The following FER variants were observed in gnomAD, a reference collection of about 807,000 sequenced individuals.
The protein encoded by FER is tyrosine-protein kinase Fer.
Under a neutral mutation model 111.0 loss-of-function variants are expected in FER, and 63 were observed. The ratio of observed to expected loss-of-function variants is 0.57; its 90% CI spans 0.46 to 0.70. FER has a LOEUF of 0.70. Ranked by LOEUF, FER falls within the 30% of genes least tolerant of loss-of-function variation. The pLI, the probability that FER is intolerant of heterozygous loss-of-function variation, is 0.00. For synonymous variants in FER, 327 were observed against 313.9 expected, an observed-to-expected ratio of 1.04 and a Z score of -0.44; for missense variants, 914 against 954.0, an observed-to-expected ratio of 0.96 and a Z score of 0.55.
chr5:109,051,446 C>A, intron 16 of FER: 6 of 1,613,066 alleles, frequency 3.7e-6, no homozygotes, highest in Non-Finnish European at 5.1e-6. Context: ...TGGTTATCAT[C>A]GGGGAAATCA....
intron 2 of FER, among the ~76,000 whole-genome samples, chr5:108,775,185 A>G (rs183487051): frequency 1.1e-4 from 17 of 152,276 alleles, no homozygotes; most frequent in Admixed American, 9.8e-4. Context: ...CAGGTTTGTC[A>G]AGGATCAGTT....
intron 5 of FER, among the ~76,000 whole-genome samples, chr5:108,850,686 A>G (rs2150185492): frequency 6.6e-6 from 1 of 152,260 alleles, no homozygotes; most frequent in East Asian, 1.9e-4. Flanking sequence ...TGCTGCAAAG[A>G]ATATCTGTGT....
At chr5:108,958,470 A>G (rs1031059782) in intron 12 of FER, among the ~76,000 whole-genome samples, 3 of 151,810 alleles carry the variant, frequency 2.0e-5, no homozygotes, top group Non-Finnish European at 3.0e-5. Flanking sequence ...TATTGCTATC[A>G]ATTTATCCAT....
At chr5:109,170,336 AATCT>A in intron 17 of FER, among the ~76,000 whole-genome samples, 1 of 152,310 alleles carries the variant, frequency 6.6e-6, no homozygotes, top group South Asian at 2.1e-4. Flanking sequence ...AAATGGCAGA[AATCT>A]ATCTACTCAG....
chr5:108,998,909 T>C (rs1458421399), intron 13 of FER, among the ~76,000 whole-genome samples: 1 of 152,180 alleles, frequency 6.6e-6, no homozygotes, highest in African/African-American at 2.4e-5. Context: ...TTATATATGT[T>C]GTATTTTAGA....
intron 16 of FER, among the ~76,000 whole-genome samples, chr5:109,060,283 C>A (rs1774219604): frequency 6.6e-6 from 1 of 152,052 alleles, no homozygotes; most frequent in African/African-American, 2.4e-5. Flanking sequence ...ATAAACTAAG[C>A]TTCAATATAC....
chr5:108,764,463 T>C (rs968775531), intron 1 of FER, among the ~76,000 whole-genome samples: 3 of 152,186 alleles, frequency 2.0e-5, no homozygotes, highest in South Asian at 2.1e-4. Context: ...AGTGACGCCA[T>C]CTTGGCTCAC....
At chr5:109,084,633 A>G (rs1777357294) in intron 16 of FER, among the ~76,000 whole-genome samples, 1 of 151,690 alleles carries the variant, frequency 6.6e-6, no homozygotes, top group Non-Finnish European at 1.5e-5. Flanking sequence ...TCTTCCCCCT[A>G]CCCCTCTTTT....
chr5:108,795,282 G>A (rs1484131503), intron 2 of FER, among the ~76,000 whole-genome samples: 1 of 152,116 alleles, frequency 6.6e-6, no homozygotes, highest in Admixed American at 6.5e-5. Flanking sequence ...CTGTGATTGT[G>A]CCACTGTACT....
chr5:108,962,378 AG>A (rs1759257381), intron 13 of FER, among the ~76,000 whole-genome samples: 1 of 152,234 alleles, frequency 6.6e-6, no homozygotes, highest in African/African-American at 2.4e-5. Context: ...TCACTTCATC[AG>A]GGAGGCCTTG....
rs1758463079 is a variant in FER at position 109,183,205 on chromosome 5, C to CAACTA, written c.2203+2304_2203+2305insAACTA. ...CTAGCAACCCAGAGAAGTTTAGTTCCCACAGACTACAGTTACTGAAGATTG... is the reference window on the plus strand; with the variant it reads ...CTAGCAACCCAGAGAAGTTTAGTTCCAACTACACAGACTACAGTTACTGAAGATTG... On this transcript the variant is annotated intron_variant, in intron 18 of 19. Coordinates refer to ENST00000281092, the MANE Select transcript of FER (RefSeq NM_005246.4). Among the ~76,000 whole-genome samples the CAACTA allele has an allele frequency of 2.6e-5, 4 of 151,624 alleles. No individual in the cohort carries two copies. In the South Asian group the frequency reaches 8.4e-4, roughly 32 times the overall value.
chr5:108,913,818 A>G (rs1194978913), intron 10 of FER, among the ~76,000 whole-genome samples: 2 of 152,232 alleles, frequency 1.3e-5, no homozygotes, highest in Non-Finnish European at 2.9e-5. Flanking sequence ...ACTCCGCAGT[A>G]ATGAAAATGA....
intron 15 of FER, among the ~76,000 whole-genome samples, chr5:109,046,510 G>C (rs974718928): frequency 6.6e-6 from 1 of 152,120 alleles, no homozygotes; most frequent in Non-Finnish European, 1.5e-5. Flanking sequence ...TAATCATTCA[G>C]AGTAGATAAT....
At chr5:108,957,998 A>G (rs1207066699) in intron 12 of FER, among the ~76,000 whole-genome samples, 5 of 151,662 alleles carry the variant, frequency 3.3e-5, no homozygotes, top group East Asian at 1.9e-4. Flanking sequence ...CCTACTATGT[A>G]CAAAAGTTCT....
Position 109,186,304 on chromosome 5 carries a change from A to C in FER, c.2308A>C (p.Arg770=). 1 of 1,614,132 alleles carries C rather than the reference A, an allele frequency of 6.2e-7. No homozygotes were observed. Residue 770 remains arginine (R), a synonymous_variant, in exon 19 of 20, where the codon AGA becomes CGA. Coordinates refer to ENST00000281092, the MANE Select transcript of FER (RefSeq NM_005246.4). The part of the protein sequence containing the change: ...PYPGMTNQQA[R]EQVERGYRMS... Reference sequence around the variant, plus strand: ...CCCTGGAATGACAAATCAGCAAGCAAGAGAGCAAGTAGAAAGAGGTGAGCC... The same window carrying C: ...CCCTGGAATGACAAATCAGCAAGCACGAGAGCAAGTAGAAAGAGGTGAGCC...
chr5:108,785,829 GT>G (rs550905263), intron 2 of FER, among the ~76,000 whole-genome samples: 86 of 152,254 alleles, frequency 5.6e-4, no homozygotes, highest in Admixed American at 4.6e-3. Context: ...CTTCACTTGG[GT>G]GAGGTAGGCG....
intron 10 of FER, among the ~76,000 whole-genome samples, chr5:108,921,070 T>A (rs887810877): frequency 6.6e-6 from 1 of 152,132 alleles, no homozygotes. Context: ...TTTGATAATT[T>A]CAGGTCAAAT....
intron 17 of FER, among the ~76,000 whole-genome samples, chr5:109,159,639 A>G (rs575407790): frequency 6.6e-6 from 1 of 152,312 alleles, no homozygotes; most frequent in Admixed American, 6.5e-5. Flanking sequence ...GACTTCTTTA[A>G]ACACTGTCAG....
At position 108,835,708 on chromosome 5, in the gene FER, G is replaced by A. The variant is rs35150210; in HGVS notation, c.382G>A (p.Val128Ile). ...TTTATGCATTTTGTTTCTTTGACAG[G>A]TTACCAAAACAGAATTGGAGAAGTT... ...HQQIEAEMIK[V>I]TKTELEKLKC... is the part of the protein sequence containing the mutation. Residue 128 changes from valine (V) to isoleucine (I), a missense_variant and splice_region_variant, in exon 5 of 20, where the codon GTT (valine) becomes ATT (isoleucine). By Grantham distance (29) the Val-to-Ile change is conservative. This residue lies in a region of FER where 774 missense variants were observed against 782.6 expected (regional missense o/e 0.99). Transcript: ENST00000281092. 1 of 1,549,864 alleles carries A rather than the reference G, an allele frequency of 6.5e-7. No homozygotes were observed. Among genetic ancestry groups the A allele is most frequent in the South Asian group, 1.2e-5 (1 of 81,926 alleles).
Sources: allele counts gnomAD v4.1 joint callset (sites outside exome capture counted in the v4.1 genomes callset), GRCh38; gene constraint gnomAD v4.1.1; regional missense constraint gnomAD v4.1.1; transcripts MANE v1.5; gene names NCBI Gene and HGNC (gene_info 2026-07-23, HGNC 2026-07-21).